Variants in IL1RAPL2 observed in about 807,000 individuals in gnomAD.
IL1RAPL2 encodes the protein interleukin 1 receptor accessory protein like 2.
IL1RAPL2 carries 3 observed loss-of-function variants against 44.1 expected under a neutral mutation model. That is an observed-to-expected ratio of 0.07 (90% CI 0.03 to 0.18). IL1RAPL2 has a LOEUF of 0.18. IL1RAPL2 is among the 10% of genes least tolerant of loss of function. The pLI is 1.00. For synonymous variants in IL1RAPL2, 181 were observed against 178.8 expected (o/e 1.01, Z -0.10); for missense variants, 391 against 496.4 (o/e 0.79, Z 2.02).
intron 3 of IL1RAPL2, among the ~76,000 whole-genome samples, chrX:105,200,826 T>A (rs1401145482): frequency 9.0e-6 from 1 of 110,919 alleles, no homozygotes. Flanking sequence ...GTACGAGAAT[T>A]GCTTGAATCG....
intron 3 of IL1RAPL2, among the ~76,000 whole-genome samples, chrX:105,201,152 A>C (rs970752232): frequency 2.7e-5 from 3 of 111,881 alleles, no homozygotes; most frequent in African/African-American, 9.8e-5. Flanking sequence ...TCAAAATCTG[A>C]ATGCCTCACA....
At chrX:104,975,797 C>T (rs1424418733) in intron 2 of IL1RAPL2, among the ~76,000 whole-genome samples, 1 of 111,720 alleles carries the variant, frequency 9.0e-6, no homozygotes, top group African/African-American at 3.3e-5. Context: ...TGGGGTATAG[C>T]TGGGGCTAGT....
At chrX:104,710,189 G>A (rs1931433729) in intron 2 of IL1RAPL2, among the ~76,000 whole-genome samples, 1 of 111,581 alleles carries the variant, frequency 9.0e-6, no homozygotes, top group South Asian at 3.7e-4. Flanking sequence ...GTACAGCCAT[G>A]TTTGTAGCAG....
rs1424897104 is a variant in IL1RAPL2, at chrX:104,860,393, C to T, written c.82+201398C>T. On this transcript the variant is annotated intron_variant, in intron 2 of 10. Transcript: ENST00000372582. ...GTATCTACCTTTGTCCTTTGCATGT[C>T]ATAGGAGGCTCCTTCTCAATTTGAA... is the stretch of plus-strand genomic sequence containing the variant. 7.2e-5 allele frequency among the ~76,000 whole-genome samples: 8 copies of T among 111,317 alleles called. No individual in the cohort carries two copies. In the Admixed American group the frequency reaches 7.7e-4, roughly 11 times the overall value.
rs397896202 is a variant in IL1RAPL2 at position 105,628,956 on chromosome X, A to AC, written c.773-88411_773-88410insC. ...AGACTTCATCTCAAAAAAAAAAAAAAGTTGAGCAGGGGTTTGAACATTTAC... is the reference window on the plus strand; with the variant it reads ...AGACTTCATCTCAAAAAAAAAAAAAACGTTGAGCAGGGGTTTGAACATTTAC... On this transcript the variant is annotated intron_variant, in intron 6 of 10. Coordinates refer to ENST00000372582, the MANE Select transcript of IL1RAPL2 (RefSeq NM_017416.2). 3.1e-3 allele frequency among the ~76,000 whole-genome samples: 338 copies of AC among 110,288 alleles called. 1 individual carries two copies. The highest frequency in any genetic ancestry group is 0.011 in the African/African-American group (325 of 30,294).
intron 2 of IL1RAPL2, among the ~76,000 whole-genome samples, chrX:104,678,057 T>C (rs1466131338): frequency 1.8e-5 from 2 of 112,783 alleles, no homozygotes; most frequent in Non-Finnish European, 3.8e-5. Context: ...CACCATCTTC[T>C]GCGTTGCTCA....
intron 5 of IL1RAPL2, among the ~76,000 whole-genome samples, chrX:105,478,034 A>G (rs778977703): frequency 9.0e-6 from 1 of 111,071 alleles, no homozygotes; most frequent in Non-Finnish European, 1.9e-5. Context: ...CATTAATATT[A>G]TATGCTCCCA....
At chrX:104,662,310 G>T (rs1930416348) in intron 2 of IL1RAPL2, among the ~76,000 whole-genome samples, 1 of 111,982 alleles carries the variant, frequency 8.9e-6, no homozygotes, top group Non-Finnish European at 1.9e-5. Flanking sequence ...CTCTGAGACT[G>T]CATCTAGGGC....
intron 2 of IL1RAPL2, among the ~76,000 whole-genome samples, chrX:104,803,012 A>G (rs899220546): frequency 1.8e-5 from 2 of 111,696 alleles, no homozygotes; most frequent in Non-Finnish European, 3.8e-5. Flanking sequence ...ATTCTTCTCA[A>G]TGTGTCTATA....
chrX:104,948,430 C>A (rs1925458873), intron 2 of IL1RAPL2, among the ~76,000 whole-genome samples: 1 of 97,065 alleles, frequency 1.0e-5, no homozygotes. Context: ...GCCTAATTGC[C>A]CTGGCCAGAA....
intron 6 of IL1RAPL2, among the ~76,000 whole-genome samples, chrX:105,578,923 C>T (rs975168754): frequency 1.8e-5 from 2 of 111,644 alleles, no homozygotes; most frequent in East Asian, 5.6e-4. Context: ...CTTTCTTTCT[C>T]TTCAGGAATT....
chrX:104,813,096 G>A (rs759697317), intron 2 of IL1RAPL2, among the ~76,000 whole-genome samples: 3 of 112,055 alleles, frequency 2.7e-5, no homozygotes, highest in African/African-American at 6.5e-5. Context: ...CCTTGATTAC[G>A]TGAATGTTGT....
At chrX:104,582,764 CT>C (rs1341760411) in intron 1 of IL1RAPL2, among the ~76,000 whole-genome samples, 1 of 83,929 alleles carries the variant, frequency 1.2e-5, no homozygotes, top group Non-Finnish European at 2.3e-5. Flanking sequence ...TTCTTTCTTT[CT>C]TTTTTCTTTC....
At chrX:105,162,992 A>G (rs1259291434) in intron 2 of IL1RAPL2, among the ~76,000 whole-genome samples, 2 of 111,579 alleles carry the variant, frequency 1.8e-5, no homozygotes, top group African/African-American at 3.3e-5. Context: ...CATTCAAACC[A>G]TAGCAGAGGG....
chrX:104,719,300 C>T (rs1463208027), intron 2 of IL1RAPL2, among the ~76,000 whole-genome samples: 2 of 111,894 alleles, frequency 1.8e-5, no homozygotes, highest in Non-Finnish European at 3.8e-5. Flanking sequence ...TCATGCTATA[C>T]AAAAGTTCTG....
chrX:104,801,522 C>G (rs766748140), intron 2 of IL1RAPL2, among the ~76,000 whole-genome samples: 9 of 110,536 alleles, frequency 8.1e-5, no homozygotes, highest in Non-Finnish European at 1.5e-4. Context: ...AACATCTTGC[C>G]AGAGCTTCAT....
chrX:105,094,621 T>C (rs752355157), intron 2 of IL1RAPL2, among the ~76,000 whole-genome samples: 1 of 111,587 alleles, frequency 9.0e-6, no homozygotes, highest in Non-Finnish European at 1.9e-5. Flanking sequence ...AGAAGTATGA[T>C]ACTGCAAATT....
rs2030570399 is a variant in IL1RAPL2, at chrX:104,986,852, CTT to C, written c.83-208621_83-208620del. On this transcript the variant is annotated intron_variant, in intron 2 of 10. Transcript: ENST00000372582. Reference sequence around the variant, plus strand: ...TTGTGTATAGAAACAACTTCAATCTCTTTAAGTCCTGTCCTGATTTCTTTTAA... The same window carrying C: ...TTGTGTATAGAAACAACTTCAATCTCTAAGTCCTGTCCTGATTTCTTTTAA... 2.7e-5 allele frequency among the ~76,000 whole-genome samples: 3 copies of C among 112,163 alleles called. No homozygotes were observed. In the Admixed American group the frequency reaches 2.8e-4, roughly 11 times the overall value.
rs1333684889 is a variant in IL1RAPL2, at chrX:105,187,075, C to T, written c.83-8400C>T. On this transcript the variant is annotated intron_variant, in intron 2 of 10. Transcript: ENST00000372582. ...TGCTACCACAGTCCTCTTCATCTGG[C>T]TGAACTCTATCTGGTTCTTTAGACT... Among the ~76,000 whole-genome samples, 26 of 111,729 alleles carry T rather than the reference C, an allele frequency of 2.3e-4. No homozygotes were observed. The Admixed American group carries it at 2.4e-3, about 10-fold the overall frequency.
Sources: gnomAD v4.1 joint callset for allele counts (sites outside exome capture counted in the v4.1 genomes callset) on GRCh38, gnomAD v4.1.1 for gene constraint, MANE v1.5 for transcripts, NCBI Gene and HGNC (gene_info 2026-07-23, HGNC 2026-07-21) for gene names.